NUP214: variants seen among roughly 807,000 people sequenced by gnomAD.
NUP214 encodes nuclear pore complex protein Nup214.
A neutral mutation model predicts 196.2 loss-of-function variants in NUP214; 79 were observed. That is an observed-to-expected ratio of 0.40 (90% CI 0.34 to 0.49). The LOEUF (loss-of-function observed/expected upper bound fraction) is 0.49, where lower values mean the gene tolerates loss of function less well. Among genes scored for constraint, NUP214 ranks in the 20% least tolerant of loss-of-function variants. NUP214 has a pLI of 0.58. For synonymous variants in NUP214, 1,020 were observed against 990.5 expected (o/e 1.03, Z -0.56); for missense variants, 2,468 against 2,539.0 (o/e 0.97, Z 0.60).
rs1018491611 is a variant in NUP214, at chr9:131,198,386, A to G, written c.4892A>G (p.Glu1631Gly). 19 of 1,614,120 alleles carry G rather than the reference A, an allele frequency of 1.2e-5. No homozygotes were observed. Among genetic ancestry groups the G allele is most frequent in the Non-Finnish European group, 1.4e-5 (17 of 1,180,046 alleles). ...ATTGTTGCTCCCGGCCCATCTGCAG[A>G]GGCAGCAGCATTTGGTACCGTCACT... ...TSIVAPGPSA[E>G]AAAFGTVTSG... Residue 1631 changes from glutamate (E) to glycine (G), a missense_variant, in exon 29 of 36, where the codon GAG becomes GGG. Around this residue, in one of 5 missense-constraint regions of NUP214, gnomAD observed 1,801 missense variants for 1,779.4 expected, o/e 1.01. Coordinates refer to ENST00000359428, the MANE Select transcript of NUP214 (RefSeq NM_005085.4).
chr9:131,134,497 A>G (rs1254847969), intron 7 of NUP214, among the ~76,000 whole-genome samples: 1 of 152,168 alleles, frequency 6.6e-6, no homozygotes, highest in Non-Finnish European at 1.5e-5. Context: ...TTTCTATTCT[A>G]GGGGATAATA....
At chr9:131,215,726 G>T (rs1438203704) in intron 31 of NUP214, among the ~76,000 whole-genome samples, 1 of 152,004 alleles carries the variant, frequency 6.6e-6, no homozygotes, top group Admixed American at 6.5e-5. Context: ...CGAGGATGCT[G>T]GGAGGAGAGC....
Position 131,125,825 on chromosome 9 carries a change from C to A in NUP214, c.45+76C>A. On this transcript the variant is annotated intron_variant, in intron 1 of 35. Transcript: ENST00000359428. This position sits in a 1 kb window ranked among gnomAD's most constrained non-coding sequence, Gnocchi z 4.1. Reference sequence around the variant, plus strand: ...TGGAGCCCAGCTGAAAGGCGAAGCGCGGTGCTGGCTGTCCCGCCTCCTGCT... The same window carrying A: ...TGGAGCCCAGCTGAAAGGCGAAGCGAGGTGCTGGCTGTCCCGCCTCCTGCT... 6.7e-7 allele frequency: 1 copy of A among 1,497,672 alleles called. No individual in the cohort carries two copies. The highest frequency in any genetic ancestry group is 1.2e-5 in the South Asian group (1 of 82,702). 92.8% of individuals were successfully genotyped at this position (1,497,672 alleles called of 1,614,324 possible).
At position 131,132,982 on chromosome 9, in the gene NUP214, G is replaced by T. The variant is rs1005812763; in HGVS notation, c.728-124G>T. 1.2e-5 allele frequency: 9 copies of T among 756,160 alleles called. No individual in the cohort carries two copies. The African/African-American group carries it at 1.6e-4, about 13-fold the overall frequency. The allele number at this position is 756,160 out of a possible 1,614,324, so 46.8% of individuals were successfully genotyped here. Reference sequence around the variant, plus strand: ...TCATTGTACCTGTGCATTATATTTAGTCAATGAAATCAGGGCCTTTGATTT... The same window carrying T: ...TCATTGTACCTGTGCATTATATTTATTCAATGAAATCAGGGCCTTTGATTT... On this transcript the variant is annotated intron_variant, in intron 6 of 35. Coordinates refer to ENST00000359428, the MANE Select transcript of NUP214 (RefSeq NM_005085.4).
intron 22 of NUP214, among the ~76,000 whole-genome samples, chr9:131,174,952 A>G (rs1053702728): frequency 6.6e-6 from 1 of 152,212 alleles, no homozygotes; most frequent in Non-Finnish European, 1.5e-5. Context: ...TGTTTGCTTC[A>G]GTTATAAAGC....
intron 28 of NUP214, 65 bp from the exon 29 acceptor site, chr9:131,197,151 G>A: frequency 6.4e-7 from 1 of 1,569,862 alleles, no homozygotes; most frequent in Non-Finnish European, 8.6e-7. Context: ...AACACAATCA[G>A]TGGAAATGTA....
intron 33 of NUP214, 172 bp downstream of exon 33, chr9:131,228,503 GT>G: frequency 1.8e-6 from 1 of 566,150 alleles, no homozygotes; most frequent in Non-Finnish European, 2.9e-6. Flanking sequence ...GACTCATTTC[GT>G]TCAAGCCAGG....
In NUP214 at chr9:131,199,730, G is replaced by A. The variant is rs72768592; in HGVS notation, c.5521+715G>A. ...CTTTCTGAAAGTTATCTTATGAAAGGTAATTCTTCAGCAATAGACTCTAGG... is the reference window on the plus strand; with the variant it reads ...CTTTCTGAAAGTTATCTTATGAAAGATAATTCTTCAGCAATAGACTCTAGG... On this transcript the variant is annotated intron_variant, in intron 29 of 35. Transcript: ENST00000359428. Among the ~76,000 whole-genome samples, 708 of 152,268 alleles carry A rather than the reference G, an allele frequency of 4.6e-3. 5 individuals carry two copies. Among genetic ancestry groups the A allele is most frequent in the Middle Eastern group, 0.01 (3 of 294 alleles).
Position 131,198,861 on chromosome 9 carries a change from T to G in NUP214, c.5367T>G (p.Ser1789=). The G allele has an allele frequency of 6.2e-7, 1 of 1,614,180 alleles. No individual in the cohort carries two copies. Among genetic ancestry groups the G allele is most frequent in the Non-Finnish European group, 8.5e-7 (1 of 1,180,026 alleles). The change falls in exon 29 of 36, where the codon TCT becomes TCG. Residue 1789 remains serine (S), a synonymous_variant. Transcript: ENST00000359428. ...SSSSSFSFGQ[S]SPNTGGGLFG... ...CCAGTTCCTTCTCATTTGGACAGTC[T>G]TCTCCCAACACAGGAGGGGGGCTGT... is the stretch of plus-strand genomic sequence containing the variant.
chr9:131,153,791 C>CCTGTGCTCGTACTCAAGAGT (rs1832344415), intron 17 of NUP214, among the ~76,000 whole-genome samples: 1 of 152,110 alleles, frequency 6.6e-6, no homozygotes, highest in Admixed American at 6.5e-5. Context: ...GACTCAAGAG[C>CCTGTGCTCGTACTCAAGAGT]CTGTGCTCGT....
chr9:131,231,188 CATATAT>C (rs35184563), intron 34 of NUP214, among the ~76,000 whole-genome samples: 1 of 147,798 alleles, frequency 6.8e-6, no homozygotes, highest in African/African-American at 2.5e-5. Context: ...GTGGTTGAAA[CATATAT>C]ATATATATAT....
intron 33 of NUP214, 73 bp from the exon 34 acceptor site, chr9:131,230,557 G>C: frequency 2.5e-6 from 4 of 1,579,612 alleles, no homozygotes; most frequent in Non-Finnish European, 3.5e-6. Context: ...CTTACAGCAG[G>C]GGGCTGAGGC....
chr9:131,174,259 C>T lies in NUP214; in HGVS notation c.3098C>T (p.Ala1033Val). The change falls in exon 22 of 36, where the codon GCA (alanine) becomes GTA (valine). Residue 1033 changes from alanine (A) to valine (V), a missense_variant. Physicochemically the swap from Ala to Val is moderately conservative, Grantham distance 64 (BLOSUM62 0). This residue lies in a region of NUP214 where 1,801 missense variants were observed against 1,779.4 expected (regional missense o/e 1.01). Transcript: ENST00000359428. ...SIQPSLLPHA[A>V]PFAKSHLVHG... The stretch of plus-strand genomic sequence containing the variant: ...CAGCCCAGTCTCTTGCCCCATGCAG[C>T]ACCTTTTGCTAAATCTCACCTGGTT... 1 of 1,613,968 alleles carries T rather than the reference C, an allele frequency of 6.2e-7. No homozygotes were observed. Among genetic ancestry groups the T allele is most frequent in the Non-Finnish European group, 8.5e-7 (1 of 1,179,972 alleles).
chr9:131,138,183 C>G (rs1831796100), intron 9 of NUP214, among the ~76,000 whole-genome samples: 1 of 151,002 alleles, frequency 6.6e-6, no homozygotes, highest in Admixed American at 6.6e-5. Flanking sequence ...CTTTCCTTCT[C>G]CTTCCTTTTC....
chr9:131,130,151 G>GTTT (rs56836232), intron 4 of NUP214, among the ~76,000 whole-genome samples: 3 of 109,200 alleles, frequency 2.7e-5, no homozygotes, highest in South Asian at 6.5e-4. Flanking sequence ...TTTTTTTTTT[G>GTTT]TTTTTTTTTT....
intron 21 of NUP214, among the ~76,000 whole-genome samples, chr9:131,172,267 C>G (rs1461975640): frequency 1.3e-5 from 2 of 152,010 alleles, no homozygotes; most frequent in Admixed American, 6.6e-5. Flanking sequence ...GAGATGGTAT[C>G]TCATTGTGGT....
At chr9:131,207,998 A>G (rs1400267479) in intron 30 of NUP214, among the ~76,000 whole-genome samples, 2 of 152,152 alleles carry the variant, frequency 1.3e-5, no homozygotes, top group Admixed American at 1.3e-4. Flanking sequence ...GGGAAATGAA[A>G]ATCAAAACCA....
chr9:131,143,459 T>TA (rs1006847673), intron 11 of NUP214, among the ~76,000 whole-genome samples: 2 of 151,958 alleles, frequency 1.3e-5, no homozygotes, highest in African/African-American at 2.4e-5. Context: ...AATGTTTTCT[T>TA]AAAAAAAATA....
intron 21 of NUP214, among the ~76,000 whole-genome samples, chr9:131,169,034 GTT>G (rs58054099): frequency 1.6e-5 from 2 of 124,132 alleles, no homozygotes; most frequent in Admixed American, 9.2e-5. Flanking sequence ...GTTTTTTTTT[GTT>G]TTTTTTTTTT....
Sources: allele counts gnomAD v4.1 joint callset (sites outside exome capture counted in the v4.1 genomes callset), GRCh38; gene constraint gnomAD v4.1.1; regional missense constraint gnomAD v4.1.1; non-coding constraint Gnocchi (gnomAD v3.1); transcripts MANE v1.5; gene names NCBI Gene and HGNC (gene_info 2026-07-23, HGNC 2026-07-21).